Variants in AFAP1L2 observed in about 807,000 individuals in gnomAD.
AFAP1L2 encodes actin filament-associated protein 1-like 2.
AFAP1L2 carries 46 observed loss-of-function variants against 99.3 expected under a neutral mutation model. That is an observed-to-expected ratio of 0.46 (90% CI 0.37 to 0.59). The LOEUF is 0.59. AFAP1L2 is among the 20% of genes least tolerant of loss of function. AFAP1L2 has a pLI of 0.00. For synonymous variants in AFAP1L2, 397 were observed against 419.1 expected, an observed-to-expected ratio of 0.95 and a Z score of 0.64; for missense variants, 959 against 1,034.9, an observed-to-expected ratio of 0.93 and a Z score of 1.01.
rs1354030131 is a variant in AFAP1L2 at position 114,318,739 on chromosome 10, T to TAAAAA, written c.407-2979_407-2975dup. 3.3e-4 allele frequency among the ~76,000 whole-genome samples: 30 copies of TAAAAA among 91,074 alleles called. 1 individual carries two copies. Among genetic ancestry groups the TAAAAA allele is most frequent in the Non-Finnish European group, 5.5e-4 (24 of 43,298 alleles). The allele number at this position is 91,074 out of a possible 152,430, so 59.7% of individuals were successfully genotyped here. A position where few individuals can be genotyped will look rare whatever the true frequency, so the allele number is the denominator to read the frequency against. ...CCTGGCGGCAGGGTGAGACTCTGTC[T>TAAAAA]AAAAAAAAGAAAAAAAAAAGAACAA... On this transcript the variant is annotated intron_variant, in intron 5 of 18. Transcript: ENST00000304129.
chr10:114,399,710 CG>C (rs1184322148), intron 1 of AFAP1L2, among the ~76,000 whole-genome samples: 2 of 152,166 alleles, frequency 1.3e-5, no homozygotes, highest in African/African-American at 4.8e-5. Context: ...ACATGGCCTA[CG>C]GCATTCTCTT....
intron 1 of AFAP1L2, among the ~76,000 whole-genome samples, chr10:114,379,554 G>A (rs1199596904): frequency 1.3e-5 from 2 of 152,234 alleles, no homozygotes; most frequent in African/African-American, 4.8e-5. Context: ...CTGGAGGAAT[G>A]GTAGAGACAG....
chr10:114,360,039 C>T (rs1248734882), intron 1 of AFAP1L2, among the ~76,000 whole-genome samples: 2 of 152,154 alleles, frequency 1.3e-5, no homozygotes, highest in African/African-American at 4.8e-5. Context: ...GGTGCCCAGG[C>T]ATTTGGTCGA....
chr10:114,320,482 G>C (rs1339207616), intron 5 of AFAP1L2, among the ~76,000 whole-genome samples: 1 of 152,230 alleles, frequency 6.6e-6, no homozygotes, highest in Non-Finnish European at 1.5e-5. Flanking sequence ...GCAGGTGAAG[G>C]CCTCCCTCTG....
chr10:114,307,445 G>C (rs961383706), intron 10 of AFAP1L2, among the ~76,000 whole-genome samples: 4 of 151,848 alleles, frequency 2.6e-5, no homozygotes, highest in African/African-American at 9.7e-5. Context: ...GGCAGGCTGT[G>C]AGCTCTCAGT....
downstream of AFAP1L2, chr10:114,291,078 G>T: frequency 1.0e-6 from 1 of 969,710 alleles, no homozygotes; most frequent in Non-Finnish European, 1.6e-6. Context: ...ATCACATGGG[G>T]TCTCTAATCT....
the AFAP1L2 span, chr10:114,282,667 G>A: frequency 2.7e-6 from 3 of 1,093,138 alleles, no homozygotes; most frequent in African/African-American, 1.5e-5. Flanking sequence ...AGAGGGTGGG[G>A]TTGTGACTGG....
chr10:114,294,951 G>A lies in AFAP1L2; in HGVS notation c.*1091C>T. The A allele has an allele frequency of 3.1e-6, 3 of 981,644 alleles. No individual in the cohort carries two copies. The highest frequency in any genetic ancestry group is 3.6e-6 in the Non-Finnish European group (3 of 829,008). The allele number at this position is 981,644 out of a possible 1,614,324, so 60.8% of individuals were successfully genotyped here. Reference sequence around the variant, plus strand: ...ATTTAGTTCTCAGGAACAAGTGTTAGAGAACTGATACACAACCCTCCAGAA... The same window carrying A: ...ATTTAGTTCTCAGGAACAAGTGTTAAAGAACTGATACACAACCCTCCAGAA... On this transcript the variant is annotated 3_prime_UTR_variant, in exon 19 of 19. Coordinates refer to ENST00000304129, the MANE Select transcript of AFAP1L2 (RefSeq NM_001001936.3).
intron 1 of AFAP1L2, among the ~76,000 whole-genome samples, chr10:114,364,527 C>T (rs2136686739): frequency 6.6e-6 from 1 of 152,226 alleles, no homozygotes; most frequent in Admixed American, 6.5e-5. Context: ...CATGTGTCTC[C>T]CTGTATGTCT....
At chr10:114,301,029 G>A (rs900800992) in intron 13 of AFAP1L2, among the ~76,000 whole-genome samples, 2 of 152,130 alleles carry the variant, frequency 1.3e-5, no homozygotes, top group African/African-American at 4.8e-5. Flanking sequence ...TGCCATCGGT[G>A]TGATCATCCC....
intron 1 of AFAP1L2, among the ~76,000 whole-genome samples, chr10:114,382,411 CA>C (rs2055767555): frequency 6.6e-6 from 1 of 152,016 alleles, no homozygotes; most frequent in Admixed American, 6.6e-5. Flanking sequence ...AAAAGTTGAT[CA>C]CATGGACATA....
rs770295604 is a variant in AFAP1L2, at chr10:114,300,433, G to A, written c.1788+12C>T. ...GAAGGTGGTCTTGCTGTCCTGCAGG[G>A]GAGGCCTGTACCTGTTCTCCCAGGT... On this transcript the variant is annotated intron_variant, in intron 14 of 18. Transcript: ENST00000304129. The A allele has an allele frequency of 2.7e-6, 4 of 1,478,956 alleles. No homozygotes were observed. In the East Asian group the frequency reaches 7.5e-5, roughly 28 times the overall value. The allele number at this position is 1,478,956 out of a possible 1,614,324, so 91.6% of individuals were successfully genotyped here. A position where few individuals can be genotyped will look rare whatever the true frequency, so the allele number is the denominator to read the frequency against.
At chr10:114,294,416 G>GTTGTCTAT (rs1364057346), downstream of AFAP1L2, among the ~76,000 whole-genome samples, 2 of 151,990 alleles carry the variant, frequency 1.3e-5, no homozygotes, top group Admixed American at 1.3e-4. Flanking sequence ...ATTGCCTTAG[G>GTTGTCTAT]TTGTCTATTT....
the AFAP1L2 span, chr10:114,285,946 G>A: frequency 6.3e-7 from 1 of 1,593,476 alleles, no homozygotes; most frequent in Non-Finnish European, 8.6e-7. Flanking sequence ...CAGCCCTGAA[G>A]CTGAGCCTGG....
intron 1 of AFAP1L2, among the ~76,000 whole-genome samples, chr10:114,363,385 C>T (rs2052728838): frequency 6.6e-6 from 1 of 152,162 alleles, no homozygotes; most frequent in South Asian, 2.1e-4. Context: ...GCTGGGCCCT[C>T]ACCAGCCCCA....
At chr10:114,282,417 G>T in the AFAP1L2 span, 3 of 965,356 alleles carry the variant, frequency 3.1e-6, no homozygotes, top group South Asian at 1.3e-5. Flanking sequence ...TTCTGCATTG[G>T]AATCTTCTAT....
rs748558542 is a variant in AFAP1L2 at position 114,323,232 on chromosome 10, TGG to T, written c.343_344del (p.Pro115LysfsTer10). On this transcript the variant is annotated frameshift_variant, in exon 5 of 19. Transcript: ENST00000304129. LOFTEE classifies it high-confidence loss of function. Reference sequence around the variant, plus strand: ...AGTAGCCCTCTGGAGACTCCGTCTTTGGGATGGCAAGCTGTTTCCGTTCTGGA... The same window carrying T: ...AGTAGCCCTCTGGAGACTCCGTCTTTGATGGCAAGCTGTTTCCGTTCTGGA... The part of the protein sequence containing the change: ...MIPERKQLAI[P>X]KTESPEGYYE... 1.2e-6 allele frequency: 2 copies of T among 1,600,980 alleles called. No individual in the cohort carries two copies. The highest frequency in any genetic ancestry group is 1.7e-6 in the Non-Finnish European group (2 of 1,172,882).
At chr10:114,373,071 G>A (rs2054329287) in intron 1 of AFAP1L2, among the ~76,000 whole-genome samples, 1 of 152,240 alleles carries the variant, frequency 6.6e-6, no homozygotes, top group African/African-American at 2.4e-5. Context: ...GTGAGAACCT[G>A]ACTCTATAAA....
intron 1 of AFAP1L2, among the ~76,000 whole-genome samples, chr10:114,395,920 A>C (rs1382859233): frequency 6.6e-6 from 1 of 152,142 alleles, no homozygotes; most frequent in Non-Finnish European, 1.5e-5. Flanking sequence ...ATTTCACTTC[A>C]AATATGCACA....
Sources: allele counts gnomAD v4.1 joint callset (sites outside exome capture counted in the v4.1 genomes callset), GRCh38; gene constraint gnomAD v4.1.1; transcripts MANE v1.5; gene names NCBI Gene and HGNC (gene_info 2026-07-23, HGNC 2026-07-21).